Variants in IRF3 observed in about 807,000 individuals in gnomAD.
IRF3 encodes interferon regulatory factor 3.
IRF3 carries 29 observed loss-of-function variants against 43.2 expected under a neutral mutation model. The ratio of observed to expected loss-of-function variants is 0.67; its 90% CI spans 0.50 to 0.91. The LOEUF (loss-of-function observed/expected upper bound fraction) is 0.91, where lower values mean the gene tolerates loss of function less well. Among genes scored for constraint, IRF3 ranks in the 40% least tolerant of loss-of-function variants. IRF3 has a pLI of 0.00. For synonymous variants in IRF3, 228 were observed against 233.9 expected (o/e 0.97, Z 0.23); for missense variants, 505 against 559.1 (o/e 0.90, Z 0.98).
Position 49,665,100 on chromosome 19 carries a change from A to G in IRF3, c.-8-254T>C, listed in dbSNP as rs78843549. 5.0e-3 allele frequency: 2,313 copies of G among 463,862 alleles called. 45 individuals carry two copies. The highest frequency in any genetic ancestry group is 0.042 in the African/African-American group (2,133 of 50,374). The allele number at this position is 463,862 out of a possible 1,614,324, so 28.7% of individuals were successfully genotyped here. On this transcript the variant is annotated intron_variant, in intron 1 of 7. Coordinates refer to ENST00000377139, the MANE Select transcript of IRF3 (RefSeq NM_001571.6). ...TTCAGTGCAGACCCTCCACTCCCTC[A>G]ATTCCGCCAGTATAGACCTCCTCCC...
At position 49,665,802 on chromosome 19, in the gene IRF3, TG is replaced by T. The variant is rs1249703947; in HGVS notation, c.-181del. 1 of 1,576,350 alleles carries T rather than the reference TG, an allele frequency of 6.3e-7. No homozygotes were observed. Among genetic ancestry groups the T allele is most frequent in the South Asian group, 1.1e-5 (1 of 89,560 alleles). On this transcript the variant is annotated 5_prime_UTR_variant, in exon 1 of 8. Coordinates refer to ENST00000377139, the MANE Select transcript of IRF3 (RefSeq NM_001571.6). ...AAATAAAACCAACTTTATCATTCTT[TG>T]GGTAACAGACCCAAAAGCCGATGGG... is the stretch of plus-strand genomic sequence containing the variant.
chr19:49,660,089 CACAA>C (rs931257213), intron 7 of IRF3, among the ~76,000 whole-genome samples: 9 of 151,206 alleles, frequency 6.0e-5, no homozygotes, highest in East Asian at 5.8e-4. Context: ...TACACACACA[CACAA>C]ACACACACAC....
chr19:49,664,782 C>T lies in IRF3; in HGVS notation c.57G>A (p.Gly19=). The change falls in exon 2 of 8, where the codon GGG becomes GGA. Residue 19 remains glycine, a synonymous_variant. Coordinates refer to ENST00000377139, the MANE Select transcript of IRF3 (RefSeq NM_001571.6). The part of the protein sequence containing the change: ...LPWLVSQLDL[G]QLEGVAWVNK... ...TCACCCAGGCCACGCCCTCCAGTTG[C>T]CCCAGGTCCAGCTGCGACACCAGCC... 1 of 1,613,972 alleles carries T rather than the reference C, an allele frequency of 6.2e-7. No homozygotes were observed. Among genetic ancestry groups the T allele is most frequent in the Non-Finnish European group, 8.5e-7 (1 of 1,179,972 alleles).
chr19:49,664,658 A>C lies in IRF3; in HGVS notation c.165+16T>G. The C allele has an allele frequency of 6.2e-7, 1 of 1,610,804 alleles. No homozygotes were observed. The highest frequency in any genetic ancestry group is 8.5e-7 in the Non-Finnish European group (1 of 1,177,516). On this transcript the variant is annotated intron_variant, in intron 2 of 7. Transcript: ENST00000377139. Reference sequence around the variant, plus strand: ...CGCAGCTCCGGGTTTCCAGCGTCCCAGGTCGTCGCACGCACCTGGAAGATT... The same window carrying C: ...CGCAGCTCCGGGTTTCCAGCGTCCCCGGTCGTCGCACGCACCTGGAAGATT...
chr19:49,663,246 A>G lies in IRF3; in HGVS notation c.350T>C (p.Phe117Ser). Residue 117 changes from phenylalanine to serine, a missense_variant, in exon 4 of 8, where the codon TTT becomes TCT. Physicochemically the swap from Phe to Ser is radical, Grantham distance 155. Transcript: ENST00000377139. Reference sequence around the variant, plus strand: ...GTCCGGAGAGGTGTCTGGCTGGGAAAAGTCCCCAACTCCTGTTGAGAAAAG... The same window carrying G: ...GTCCGGAGAGGTGTCTGGCTGGGAAGAGTCCCCAACTCCTGTTGAGAAAAG... ...YEFVNSGVGDFSQPDTSPDTN... is the reference protein window; with the variant it reads ...YEFVNSGVGDSSQPDTSPDTN... 3.7e-6 allele frequency: 6 copies of G among 1,614,094 alleles called. No individual in the cohort carries two copies. The highest frequency in any genetic ancestry group is 2.7e-5 in the African/African-American group (2 of 75,002).
chr19:49,665,609 C>CA, intron 1 of IRF3, 22 bp downstream of exon 1: 1 of 597,508 alleles, frequency 1.7e-6, no homozygotes, highest in South Asian at 2.1e-5. Context: ...CACCAACGCT[C>CA]TCCCGGGCTC....
At chr19:49,660,020 CA>C (rs1568451804) in intron 7 of IRF3, among the ~76,000 whole-genome samples, 187 bp from the exon 8 acceptor site, 6 of 121,718 alleles carry the variant, frequency 4.9e-5, no homozygotes, top group Middle Eastern at 4.1e-3. Flanking sequence ...CACACACACA[CA>C]CACACACCCC....
intron 7 of IRF3, among the ~76,000 whole-genome samples, 194 bp from the exon 8 acceptor site, chr19:49,660,027 A>ACACACACACACACACACACACACACACCC (rs57168131): frequency 1.3e-5 from 1 of 74,714 alleles, no homozygotes; most frequent in Admixed American, 1.4e-4. Context: ...ACACACACAC[A>ACACACACACACACACACACACACACACCC]CCCCCTGCTG....
intron 2 of IRF3, 21 bp downstream of exon 2, chr19:49,664,653 G>A (rs2081569375): frequency 1.2e-6 from 2 of 1,610,494 alleles, no homozygotes; most frequent in African/African-American, 1.3e-5. Flanking sequence ...GGTTTCCAGC[G>A]TCCCAGGTCG....
intron 1 of IRF3, 64 bp downstream of exon 1, chr19:49,665,567 C>A (rs1339462652): frequency 1.2e-5 from 6 of 502,188 alleles, no homozygotes; most frequent in Non-Finnish European, 2.2e-5. Context: ...CGTGCAGACC[C>A]ATCCTCTTTC....
chr19:49,662,496 T>C lies in IRF3; in HGVS notation c.530A>G (p.Asp177Gly). The stretch of plus-strand genomic sequence containing the variant: ...CAGGTTTGGGAAGGGAGTGGGATTG[T>C]CCAAGCTGGGGCTCCGCAGGGGCTG... ...CPQPLRSPSL[D>G]NPTPFPNLGP... The change falls in exon 5 of 8, where the codon GAC becomes GGC. Residue 177 changes from aspartate (D) to glycine (G), a missense_variant. By Grantham distance (94) the Asp-to-Gly change is moderately conservative. Transcript: ENST00000377139. 1.3e-6 allele frequency: 2 copies of C among 1,574,070 alleles called. No homozygotes were observed. The highest frequency in any genetic ancestry group is 1.7e-6 in the Non-Finnish European group (2 of 1,162,490).
At position 49,665,682 on chromosome 19, in the gene IRF3, G is replaced by C. The variant is rs1039602141; in HGVS notation, c.-60C>G. 6.8e-6 allele frequency: 8 copies of C among 1,182,948 alleles called. No individual in the cohort carries two copies. The highest frequency in any genetic ancestry group is 1.5e-5 in the South Asian group (1 of 64,674). The allele number at this position is 1,182,948 out of a possible 1,614,324, so 73.3% of individuals were successfully genotyped here. ...GCAGCTGGAACCCACCCCTGTCTTG[G>C]AGCTCCGGGTAGCTCTCAAACTCGA... On this transcript the variant is annotated 5_prime_UTR_variant, in exon 1 of 8. Transcript: ENST00000377139.
At chr19:49,660,943 C>T (rs565270052) in intron 6 of IRF3, 115 bp from the exon 7 acceptor site, 6 of 1,216,684 alleles carry the variant, frequency 4.9e-6, no homozygotes, top group South Asian at 3.0e-5. Context: ...TCTGCTGCCT[C>T]GACCAGGGGA....
At position 49,665,725 on chromosome 19, in the gene IRF3, C is replaced by A; in HGVS notation, c.-103G>T. 1.4e-6 allele frequency: 2 copies of A among 1,463,502 alleles called. No homozygotes were observed. Among genetic ancestry groups the A allele is most frequent in the Non-Finnish European group, 1.8e-6 (2 of 1,094,552 alleles). The allele number at this position is 1,463,502 out of a possible 1,614,324, so 90.7% of individuals were successfully genotyped here. On this transcript the variant is annotated 5_prime_UTR_variant, in exon 1 of 8. Transcript: ENST00000377139. ...AAACTCGAGGCTGCGCACCCCCTTT[C>A]CCGTCAGCTGAGCTCTAGAGCGCTG...
intron 7 of IRF3, 121 bp downstream of exon 7, chr19:49,660,592 G>A: frequency 9.8e-7 from 1 of 1,022,356 alleles, no homozygotes; most frequent in Non-Finnish European, 1.4e-6. Flanking sequence ...ACTGGTTATT[G>A]CAGAGATCTT....
At position 49,660,768 on chromosome 19, in the gene IRF3, A is replaced by C. The variant is rs1481127701; in HGVS notation, c.1043T>G (p.Val348Gly). 1 of 1,611,218 alleles carries C rather than the reference A, an allele frequency of 6.2e-7. No individual in the cohort carries two copies. The highest frequency in any genetic ancestry group is 8.5e-7 in the Non-Finnish European group (1 of 1,178,968). Residue 348 changes from valine to glycine, a missense_variant, in exon 7 of 8, where the codon GTG (valine) becomes GGG (glycine). Val to Gly is a moderately radical substitution (Grantham distance 109). Transcript: ENST00000377139. ...CTGGTCCTGGGGCCATGACTCCCCCACACAGAACCAGAGGGCATAGCGTGG... is the reference window on the plus strand; with the variant it reads ...CTGGTCCTGGGGCCATGACTCCCCCCCACAGAACCAGAGGGCATAGCGTGG... Reference protein sequence around the residue: ...RSPRYALWFCVGESWPQDQPW... With the variant: ...RSPRYALWFCGGESWPQDQPW...
chr19:49,664,731 G>A lies in IRF3; in HGVS notation c.108C>T (p.Ile36=). 1 of 1,614,056 alleles carries A rather than the reference G, an allele frequency of 6.2e-7. No individual in the cohort carries two copies. Among genetic ancestry groups the A allele is most frequent in the Non-Finnish European group, 8.5e-7 (1 of 1,179,976 alleles). ...CCTGCCGTAGGCCGTGCTTCCAAGGGATGCGGAAGCGCGTGCGGCTCTTGT... is the reference window on the plus strand; with the variant it reads ...CCTGCCGTAGGCCGTGCTTCCAAGGAATGCGGAAGCGCGTGCGGCTCTTGT... ...WVNKSRTRFR[I]PWKHGLRQDA... Residue 36 remains isoleucine (I), a synonymous_variant, in exon 2 of 8, where the codon ATC becomes ATT. Coordinates refer to ENST00000377139, the MANE Select transcript of IRF3 (RefSeq NM_001571.6).
chr19:49,659,716 C>A lies in IRF3; in HGVS notation c.1216G>T (p.Asp406Tyr). 1 of 1,613,858 alleles carries A rather than the reference C, an allele frequency of 6.2e-7. No homozygotes were observed. The highest frequency in any genetic ancestry group is 8.5e-7 in the Non-Finnish European group (1 of 1,179,914). The change falls in exon 8 of 8, where the codon GAC becomes TAC. Residue 406 changes from aspartate (D) to tyrosine (Y), a missense_variant. Coordinates refer to ENST00000377139, the MANE Select transcript of IRF3 (RefSeq NM_001571.6). ...TCCTGCAGGTAGGCCTTGTACTGGTCGGAGGTGAGGGAGAGTGGGTGGCTG... is the reference window on the plus strand; with the variant it reads ...TCCTGCAGGTAGGCCTTGTACTGGTAGGAGGTGAGGGAGAGTGGGTGGCTG... ...SNSHPLSLTSDQYKAYLQDLV... is the reference protein window; with the variant it reads ...SNSHPLSLTSYQYKAYLQDLV...
chr19:49,660,706 C>A lies in IRF3; in HGVS notation c.1098+7G>T. On this transcript the variant is annotated splice_region_variant and intron_variant, in intron 7 of 7. Transcript: ENST00000377139. The stretch of plus-strand genomic sequence containing the variant: ...TTTCAGCCCCAGGGACTCAGGTCTG[C>A]AGGCACCTTGACCATCACGAGCCTC... The A allele has an allele frequency of 6.3e-7, 1 of 1,584,714 alleles. No homozygotes were observed. The highest frequency in any genetic ancestry group is 8.6e-7 in the Non-Finnish European group (1 of 1,165,726).
Sources: gnomAD v4.1 joint callset for allele counts (sites outside exome capture counted in the v4.1 genomes callset) on GRCh38, gnomAD v4.1.1 for gene constraint, MANE v1.5 for transcripts, NCBI Gene and HGNC (gene_info 2026-07-23, HGNC 2026-07-21) for gene names.